Variants in MAP4 observed in about 807,000 individuals in gnomAD.
MAP4 encodes microtubule associated protein 4, also known as microtubule-associated protein 4.
A neutral mutation model predicts 170.2 loss-of-function variants in MAP4; 76 were observed. That is an observed-to-expected ratio of 0.45 (90% CI 0.37 to 0.54). The LOEUF (loss-of-function observed/expected upper bound fraction) is 0.54, where lower values mean the gene tolerates loss of function less well. Ranked by LOEUF, MAP4 falls within the 20% of genes least tolerant of loss-of-function variation. The pLI, the probability that MAP4 is intolerant of heterozygous loss-of-function variation, is 0.00. For synonymous variants in MAP4, 909 were observed against 994.5 expected (o/e 0.91, Z 1.62); for missense variants, 2,506 against 2,748.0 (o/e 0.91, Z 1.97).
intron 1 of MAP4, among the ~76,000 whole-genome samples, chr3:48,022,343 GATC>G (rs2100110983): frequency 6.6e-6 from 1 of 152,084 alleles, no homozygotes; most frequent in African/African-American, 2.4e-5. Context: ...GAGGTGGGAG[GATC>G]ATTTGAGCCC....
At chr3:48,004,273 T>C (rs1295368165) in intron 1 of MAP4, among the ~76,000 whole-genome samples, 1 of 152,192 alleles carries the variant, frequency 6.6e-6, no homozygotes, top group Non-Finnish European at 1.5e-5. Flanking sequence ...TCTAATAGCA[T>C]GGAGAACATT....
intron 1 of MAP4, among the ~76,000 whole-genome samples, chr3:48,059,457 G>C (rs912505868): frequency 1.4e-5 from 2 of 142,716 alleles, no homozygotes; most frequent in African/African-American, 2.7e-5. Context: ...GGAGGTTACA[G>C]TGAGCCGAGA....
At chr3:48,034,069 T>A (rs2154522915) in intron 1 of MAP4, among the ~76,000 whole-genome samples, 2 of 152,324 alleles carry the variant, frequency 1.3e-5, no homozygotes, top group South Asian at 4.1e-4. Flanking sequence ...CCAGAGTGCA[T>A]ACATATTGTG....
chr3:47,915,657 C>T (rs575863173), intron 7 of MAP4, among the ~76,000 whole-genome samples: 1 of 152,206 alleles, frequency 6.6e-6, no homozygotes, highest in South Asian at 2.1e-4. Context: ...ACCATGGATA[C>T]AGATACAAGT....
rs559947856 is a variant in MAP4, at chr3:47,863,326, T to C, written c.6501+3920A>G. On this transcript the variant is annotated intron_variant, in intron 17 of 20. Coordinates refer to ENST00000683076, the MANE Select transcript of MAP4 (RefSeq NM_001385682.1). ...CTGAGCCTCACTCACTTTAATAAAG[T>C]CCACCACCTCTAGGCTACAGCTCTC... Among the ~76,000 whole-genome samples the C allele has an allele frequency of 6.6e-5, 10 of 152,264 alleles. No homozygotes were observed. In the South Asian group the frequency reaches 1.9e-3, roughly 28 times the overall value.
chr3:47,910,268 T>A lies in MAP4; in HGVS notation c.4153A>T (p.Ile1385Leu), dbSNP rs980154097. 2.5e-6 allele frequency: 4 copies of A among 1,603,986 alleles called. No individual in the cohort carries two copies. Among genetic ancestry groups the A allele is most frequent in the Middle Eastern group, 1.6e-4 (1 of 6,062 alleles). Residue 1385 changes from isoleucine (I) to leucine (L), a missense_variant, in exon 9 of 21, where the codon ATA becomes TTA. This residue lies in a region of MAP4 where 2,008 missense variants were observed against 2,206.0 expected (regional missense o/e 0.91). Transcript: ENST00000683076. ...SPEKHILENK[I>L]DATKIHVPME... ...GGAACATGTATTTTTGTTGCATCTATCTTATTCTCCAGAATGTGCTTCTCA... is the reference window on the plus strand; with the variant it reads ...GGAACATGTATTTTTGTTGCATCTAACTTATTCTCCAGAATGTGCTTCTCA...
At chr3:48,029,773 G>A (rs2154514206) in intron 1 of MAP4, among the ~76,000 whole-genome samples, 1 of 152,174 alleles carries the variant, frequency 6.6e-6, no homozygotes, top group East Asian at 1.9e-4. Context: ...GCCGAGGTGG[G>A]AGGATCACGA....
intron 3 of MAP4, among the ~76,000 whole-genome samples, chr3:47,934,687 A>G (rs924475502): frequency 9.2e-5 from 14 of 152,122 alleles, no homozygotes; most frequent in African/African-American, 2.4e-4. Flanking sequence ...TCACACCCTC[A>G]GCTCTTTCCT....
intron 1 of MAP4, among the ~76,000 whole-genome samples, chr3:48,013,197 C>T (rs2100106170): frequency 6.6e-6 from 1 of 152,012 alleles, no homozygotes; most frequent in South Asian, 2.1e-4. Flanking sequence ...GCCTTAAATG[C>T]TTAGTTACAT....
At chr3:48,024,338 A>T (rs145407011) in intron 1 of MAP4, among the ~76,000 whole-genome samples, 2,592 of 152,208 alleles carry the variant, frequency 0.017, 40 homozygotes, top group Non-Finnish European at 0.026. Context: ...AAAAAATTTT[A>T]AAAATGTACA....
At chr3:47,953,711 G>T (rs1045458782) in intron 3 of MAP4, among the ~76,000 whole-genome samples, 2 of 141,794 alleles carry the variant, frequency 1.4e-5, no homozygotes, top group Non-Finnish European at 3.0e-5. Context: ...TTTCACTCAG[G>T]CATTGAGAAA....
At chr3:48,038,592 C>T (rs1302989556) in intron 1 of MAP4, among the ~76,000 whole-genome samples, 4 of 151,712 alleles carry the variant, frequency 2.6e-5, no homozygotes, top group Admixed American at 6.6e-5. Context: ...TCCCAAGCAG[C>T]GGGGACTACA....
intron 1 of MAP4, among the ~76,000 whole-genome samples, chr3:48,045,650 T>C (rs531666914): frequency 2.2e-3 from 333 of 152,286 alleles, no homozygotes; most frequent in Non-Finnish European, 3.6e-3. Context: ...ATATTGAAAA[T>C]TATAATGTTT....
intron 3 of MAP4, among the ~76,000 whole-genome samples, chr3:47,946,428 C>G (rs1578116722): frequency 1.3e-5 from 2 of 150,870 alleles, no homozygotes; most frequent in African/African-American, 4.9e-5. Flanking sequence ...CTGAGGTGGG[C>G]AGATCACCTG....
intron 1 of MAP4, among the ~76,000 whole-genome samples, chr3:48,074,676 TTGTGTGTGTGTGTGTG>T (rs555691222): frequency 1.2e-4 from 11 of 90,638 alleles, no homozygotes; most frequent in East Asian, 6.8e-4. Flanking sequence ...ATCCAGCTAA[TTGTGTGTGTGTGTGTG>T]TGTGTGTGTG....
intron 17 of MAP4, among the ~76,000 whole-genome samples, chr3:47,864,500 C>T (rs1316391974): frequency 6.6e-6 from 1 of 152,112 alleles, no homozygotes; most frequent in Non-Finnish European, 1.5e-5. Context: ...CATGGTGAAA[C>T]CCCGTCTCTA....
At chr3:48,081,632 G>A (rs1382348946) in intron 1 of MAP4, among the ~76,000 whole-genome samples, 1 of 152,090 alleles carries the variant, frequency 6.6e-6, no homozygotes, top group Admixed American at 6.6e-5. Context: ...GAACTCTGTG[G>A]TGCTGGATCA....
At chr3:47,958,662 G>T (rs2100069355) in intron 3 of MAP4, among the ~76,000 whole-genome samples, 1 of 150,894 alleles carries the variant, frequency 6.6e-6, no homozygotes, top group Non-Finnish European at 1.5e-5. Flanking sequence ...GATTCCAGGG[G>T]TGTGCACCAC....
intron 3 of MAP4, among the ~76,000 whole-genome samples, chr3:47,930,703 C>T (rs1049465946): frequency 2.0e-5 from 3 of 150,946 alleles, no homozygotes; most frequent in South Asian, 4.2e-4. Context: ...CCAAGGTGGG[C>T]GGATCACAAG....
Sources: gnomAD v4.1 joint callset for allele counts (sites outside exome capture counted in the v4.1 genomes callset) on GRCh38, gnomAD v4.1.1 for gene constraint, gnomAD v4.1.1 regional missense constraint, MANE v1.5 for transcripts, NCBI Gene and HGNC (gene_info 2026-07-23, HGNC 2026-07-21) for gene names.